Variants in NAALADL2 observed in about 807,000 individuals in gnomAD.
The protein encoded by NAALADL2 is inactive N-acetylated-alpha-linked acidic dipeptidase-like protein 2.
In NAALADL2, 76 loss-of-function variants were observed where a neutral mutation model predicts 87.2. The observed-to-expected ratio is 0.87, with a 90% confidence interval of 0.72 to 1.05. The LOEUF (loss-of-function observed/expected upper bound fraction) is 1.05, where lower values mean the gene tolerates loss of function less well. NAALADL2 is among the 50% of genes least tolerant of loss of function. The pLI is 0.00. For synonymous variants in NAALADL2, 354 were observed against 331.0 expected (o/e 1.07, Z -0.75); for missense variants, 1,089 against 945.8 (o/e 1.15, Z -1.99).
intron 9 of NAALADL2, among the ~76,000 whole-genome samples, chr3:175,557,415 T>C (rs543636705): frequency 1.1e-4 from 17 of 152,272 alleles, no homozygotes; most frequent in African/African-American, 3.8e-4. Context: ...ATTAAACTCT[T>C]TTAGTTATTA....
At chr3:175,627,938 C>T (rs1727215710) in intron 11 of NAALADL2, among the ~76,000 whole-genome samples, 2 of 146,932 alleles carry the variant, frequency 1.4e-5, no homozygotes, top group Admixed American at 1.4e-4. Flanking sequence ...AGGTAAGGTA[C>T]TTGTTTATGA....
intron 9 of NAALADL2, among the ~76,000 whole-genome samples, chr3:175,473,305 T>G (rs1439358341): frequency 6.6e-6 from 1 of 152,066 alleles, no homozygotes; most frequent in African/African-American, 2.4e-5. Context: ...TGTACCTCAC[T>G]TTTTGGAAGA....
intron 2 of NAALADL2, among the ~76,000 whole-genome samples, chr3:175,137,455 A>G (rs1395367976): frequency 6.6e-6 from 1 of 152,034 alleles, no homozygotes; most frequent in African/African-American, 2.4e-5. Flanking sequence ...TATTTAACCT[A>G]TCCTTATTTT....
intron 10 of NAALADL2, among the ~76,000 whole-genome samples, chr3:175,584,283 C>T (rs891237123): frequency 1.3e-5 from 2 of 152,234 alleles, no homozygotes; most frequent in East Asian, 1.9e-4. Context: ...GTCATCCACC[C>T]ACCTTGTCCT....
chr3:174,845,494 C>T (rs530994018), intron 3 of NAALADL2, among the ~76,000 whole-genome samples: 13 of 152,308 alleles, frequency 8.5e-5, no homozygotes, highest in African/African-American at 3.1e-4. Context: ...TAGGGCAAGA[C>T]CATTTCCCCT....
intron 5 of NAALADL2, among the ~76,000 whole-genome samples, chr3:175,381,792 A>G (rs1472991166): frequency 6.6e-6 from 1 of 152,172 alleles, no homozygotes; most frequent in Non-Finnish European, 1.5e-5. Flanking sequence ...TTTTTGTGTG[A>G]CGTGTGTCTC....
intron 2 of NAALADL2, among the ~76,000 whole-genome samples, chr3:175,167,948 G>A (rs902890916): frequency 2.0e-5 from 3 of 151,930 alleles, no homozygotes; most frequent in Non-Finnish European, 4.4e-5. Flanking sequence ...AATAATCACT[G>A]ACTCATGTAT....
chr3:174,870,339 T>G (rs1257105624), intron 1 of NAALADL2, among the ~76,000 whole-genome samples: 1 of 152,076 alleles, frequency 6.6e-6, no homozygotes, highest in African/African-American at 2.4e-5. Context: ...GCCCATAAAT[T>G]TTGATAATGG....
At chr3:174,648,201 C>T (rs778218400) in intron 2 of NAALADL2, among the ~76,000 whole-genome samples, 1 of 151,920 alleles carries the variant, frequency 6.6e-6, no homozygotes, top group Non-Finnish European at 1.5e-5. Flanking sequence ...TCTTACTGTG[C>T]AATCCCAGCT....
chr3:175,442,059 A>T (rs940101020), intron 5 of NAALADL2, among the ~76,000 whole-genome samples: 1 of 152,096 alleles, frequency 6.6e-6, no homozygotes, highest in African/African-American at 2.4e-5. Flanking sequence ...GTCCTGCCTC[A>T]GCCTCCTCCT....
intron 5 of NAALADL2, among the ~76,000 whole-genome samples, chr3:175,376,990 T>C (rs1431892158): frequency 6.8e-6 from 1 of 147,328 alleles, no homozygotes; most frequent in Non-Finnish European, 1.5e-5. Context: ...ATTTATTTGC[T>C]TACCTGGCCT....
intron 2 of NAALADL2, among the ~76,000 whole-genome samples, chr3:174,629,088 T>TC (rs1262352794): frequency 6.6e-6 from 1 of 152,190 alleles, no homozygotes; most frequent in African/African-American, 2.4e-5. Flanking sequence ...CTATAGTGAA[T>TC]CACTAGTGAC....
intron 13 of NAALADL2, among the ~76,000 whole-genome samples, chr3:175,778,798 C>T (rs771762184): frequency 6.6e-6 from 1 of 152,026 alleles, no homozygotes; most frequent in Non-Finnish European, 1.5e-5. Context: ...TGGTGATGGG[C>T]CAGGAAGCTT....
At chr3:175,372,683 T>G (rs1766658290) in intron 5 of NAALADL2, among the ~76,000 whole-genome samples, 1 of 152,188 alleles carries the variant, frequency 6.6e-6, no homozygotes, top group Admixed American at 6.5e-5. Flanking sequence ...TGAAATACAT[T>G]TTATACCTGG....
chr3:175,433,390 G>C (rs778930476), intron 5 of NAALADL2, among the ~76,000 whole-genome samples: 5 of 152,006 alleles, frequency 3.3e-5, no homozygotes, highest in Admixed American at 6.6e-5. Flanking sequence ...GAATAATCTA[G>C]ACTTTTGTTC....
chr3:174,681,431 C>A (rs77353181), intron 2 of NAALADL2, among the ~76,000 whole-genome samples: 1,848 of 151,952 alleles, frequency 0.012, 13 homozygotes, highest in South Asian at 0.02. Flanking sequence ...CTGAGAAAGA[C>A]ACCTTCCCTC....
intron 4 of NAALADL2, among the ~76,000 whole-genome samples, chr3:175,310,341 T>A (rs1391332809): frequency 1.3e-5 from 2 of 152,052 alleles, no homozygotes; most frequent in Non-Finnish European, 2.9e-5. Context: ...TTTTTTTCTT[T>A]TATATATAAG....
intron 5 of NAALADL2, among the ~76,000 whole-genome samples, chr3:175,438,736 A>T (rs1719178747): frequency 6.6e-6 from 1 of 152,168 alleles, no homozygotes; most frequent in Non-Finnish European, 1.5e-5. Context: ...GCTGAAATAA[A>T]GTGTTATAAA....
intron 11 of NAALADL2, among the ~76,000 whole-genome samples, chr3:175,687,003 G>A (rs1736388322): frequency 6.6e-6 from 1 of 152,114 alleles, no homozygotes. Context: ...CAGATGTCAA[G>A]TAGCTTGTTT....
Sources: allele counts gnomAD v4.1 joint callset (sites outside exome capture counted in the v4.1 genomes callset), GRCh38; gene constraint gnomAD v4.1.1; transcripts MANE v1.5; gene names NCBI Gene and HGNC (gene_info 2026-07-23, HGNC 2026-07-21).